The following PTPRN2 variants were observed in gnomAD, a reference collection of about 807,000 sequenced individuals.
PTPRN2 encodes receptor-type tyrosine-protein phosphatase N2.
PTPRN2 carries 74 observed loss-of-function variants against 118.8 expected under a neutral mutation model. The ratio of observed to expected loss-of-function variants is 0.62; its 90% CI spans 0.52 to 0.76. PTPRN2 has a LOEUF of 0.76. Ranked by LOEUF, PTPRN2 falls within the 30% of genes least tolerant of loss-of-function variation. PTPRN2 has a pLI of 0.00. For synonymous variants in PTPRN2, 641 were observed against 608.0 expected, an observed-to-expected ratio of 1.05 and a Z score of -0.80; for missense variants, 1,481 against 1,394.4, an observed-to-expected ratio of 1.06 and a Z score of -0.99.
intron 6 of PTPRN2, among the ~76,000 whole-genome samples, chr7:158,165,979 C>T (rs932168462): frequency 1.6e-4 from 24 of 152,030 alleles, no homozygotes; most frequent in African/African-American, 3.1e-4. Context: ...TGTGGCAAAC[C>T]GCCATAAATA....
intron 12 of PTPRN2, among the ~76,000 whole-genome samples, chr7:157,693,460 C>A (rs1384821054): frequency 4.6e-5 from 7 of 152,114 alleles, no homozygotes; most frequent in Non-Finnish European, 1.0e-4. Context: ...GCCCCGGGAT[C>A]GGCCGCTGGG....
chr7:158,278,571 C>T (rs1344374105), intron 3 of PTPRN2, among the ~76,000 whole-genome samples: 1 of 152,248 alleles, frequency 6.6e-6, no homozygotes, highest in Non-Finnish European at 1.5e-5. Context: ...AAGCCCAGAA[C>T]CCACAACTTC....
At chr7:157,716,604 T>C (rs113514537) in intron 12 of PTPRN2, among the ~76,000 whole-genome samples, 9 of 46,910 alleles carry the variant, frequency 1.9e-4, no homozygotes, top group Admixed American at 4.1e-4. Flanking sequence ...CACTGCCTGG[T>C]CACACAGACT....
chr7:157,648,438 T>G (rs1259244591), intron 14 of PTPRN2, among the ~76,000 whole-genome samples: 1 of 81,320 alleles, frequency 1.2e-5, no homozygotes, highest in Non-Finnish European at 2.4e-5. Flanking sequence ...TCGGACCCAT[T>G]CACTGTGCAC....
intron 1 of PTPRN2, among the ~76,000 whole-genome samples, chr7:158,515,620 C>T (rs1425137537): frequency 1.3e-5 from 2 of 152,192 alleles, no homozygotes; most frequent in East Asian, 1.9e-4. Flanking sequence ...CTTTTTCCAC[C>T]TCATTCCATG....
At chr7:158,576,337 C>T (rs568895251) in intron 1 of PTPRN2, among the ~76,000 whole-genome samples, 395 of 152,352 alleles carry the variant, frequency 2.6e-3, no homozygotes, top group African/African-American at 9.0e-3. Context: ...CTGCTTCTGA[C>T]GTCACAGTTT....
intron 6 of PTPRN2, among the ~76,000 whole-genome samples, chr7:158,163,528 G>T (rs999958748): frequency 6.7e-6 from 1 of 149,046 alleles, no homozygotes; most frequent in Admixed American, 6.7e-5. Flanking sequence ...TTTCATAGGT[G>T]ATCAATATTC....
chr7:157,673,356 A>C (rs939860616), intron 13 of PTPRN2, among the ~76,000 whole-genome samples: 5 of 152,170 alleles, frequency 3.3e-5, no homozygotes, highest in African/African-American at 1.2e-4. Context: ...TAATTCTCCC[A>C]AAGCAGAAAA....
At chr7:158,336,333 C>G (rs1242064640) in intron 2 of PTPRN2, among the ~76,000 whole-genome samples, 2 of 143,520 alleles carry the variant, frequency 1.4e-5, no homozygotes, top group African/African-American at 5.2e-5. Context: ...GAGGTGACAC[C>G]TGCAGACGTC....
At chr7:158,423,365 C>T (rs565582203) in intron 2 of PTPRN2, among the ~76,000 whole-genome samples, 1 of 152,316 alleles carries the variant, frequency 6.6e-6, no homozygotes, top group South Asian at 2.1e-4. Flanking sequence ...CTGACCTTTC[C>T]GGGGAGCACC....
chr7:157,602,853 T>G lies in PTPRN2; in HGVS notation c.2418+1149A>C, dbSNP rs368842226. ...CTCCCTATGGACGAGCAAAGAAACT[T>G]TGGGACACCGTAGGGTGCGATTTGT... On this transcript the variant is annotated intron_variant, in intron 16 of 22. Coordinates refer to ENST00000389418, the MANE Select transcript of PTPRN2 (RefSeq NM_002847.5). Among the ~76,000 whole-genome samples the G allele has an allele frequency of 7.2e-5, 11 of 152,314 alleles. No individual in the cohort carries two copies. In the South Asian group the frequency reaches 1.9e-3, roughly 26 times the overall value.
chr7:158,212,149 G>A (rs1362072857), intron 3 of PTPRN2, among the ~76,000 whole-genome samples: 3 of 152,044 alleles, frequency 2.0e-5, no homozygotes, highest in African/African-American at 7.3e-5. Flanking sequence ...ACCGATTTGT[G>A]GGAACTAAAA....
chr7:157,937,679 C>A (rs1799804871), intron 11 of PTPRN2, among the ~76,000 whole-genome samples: 1 of 152,232 alleles, frequency 6.6e-6, no homozygotes, highest in Non-Finnish European at 1.5e-5. Flanking sequence ...GCGGGTGCGG[C>A]CTCTCTGAGT....
chr7:158,058,164 C>T (rs1809953388), intron 11 of PTPRN2, among the ~76,000 whole-genome samples: 1 of 139,288 alleles, frequency 7.2e-6, no homozygotes, highest in Non-Finnish European at 1.6e-5. Flanking sequence ...AGCCACACTC[C>T]ATCTGCCCAC....
At chr7:158,146,343 C>A (rs931255822) in intron 6 of PTPRN2, among the ~76,000 whole-genome samples, 3 of 152,194 alleles carry the variant, frequency 2.0e-5, no homozygotes, top group Non-Finnish European at 4.4e-5. Context: ...CTCCGTCCAT[C>A]CCTCCACCCA....
At chr7:158,054,714 C>T (rs562496329) in intron 11 of PTPRN2, among the ~76,000 whole-genome samples, 3 of 152,358 alleles carry the variant, frequency 2.0e-5, no homozygotes, top group African/African-American at 4.8e-5. Flanking sequence ...CCAGAGCCTC[C>T]ACCTACCCCA....
intron 6 of PTPRN2, among the ~76,000 whole-genome samples, chr7:158,165,003 G>A (rs1298819135): frequency 8.1e-5 from 4 of 49,272 alleles, no homozygotes; most frequent in Admixed American, 3.0e-4. Flanking sequence ...CAGGACCTAC[G>A]AGAGTGCAGG....
intron 1 of PTPRN2, among the ~76,000 whole-genome samples, chr7:158,522,886 G>A (rs1055921551): frequency 2.6e-5 from 4 of 152,196 alleles, no homozygotes; most frequent in Non-Finnish European, 5.9e-5. Context: ...ATGTGGAGCT[G>A]GAGAGAACAG....
Position 158,525,632 on chromosome 7 carries a change from C to T in PTPRN2, c.113-35847G>A, listed in dbSNP as rs1223055576. ...AGTGCCGTGTTTAATTATTATTCAG[C>T]ATAATCACACATATTACGGGGATTT... On this transcript the variant is annotated intron_variant, in intron 1 of 22. Transcript: ENST00000389418. This position sits in a 1 kb window ranked among gnomAD's most constrained non-coding sequence, Gnocchi z 4.1. 2.6e-5 allele frequency among the ~76,000 whole-genome samples: 4 copies of T among 152,204 alleles called. No individual in the cohort carries two copies. Among genetic ancestry groups the T allele is most frequent in the Non-Finnish European group, 5.9e-5 (4 of 68,030 alleles).
Sources: gnomAD v4.1 joint callset for allele counts (sites outside exome capture counted in the v4.1 genomes callset) on GRCh38, gnomAD v4.1.1 for gene constraint, Gnocchi (gnomAD v3.1) non-coding constraint, MANE v1.5 for transcripts, NCBI Gene and HGNC (gene_info 2026-07-23, HGNC 2026-07-21) for gene names.